The following KANSL1L variants were observed in gnomAD, a reference collection of about 807,000 sequenced individuals.
KANSL1L encodes KAT8 regulatory NSL complex subunit 1-like protein.
A neutral mutation model predicts 108.6 loss-of-function variants in KANSL1L; 25 were observed. That is an observed-to-expected ratio of 0.23 (90% CI 0.17 to 0.32). The LOEUF is 0.32. Among genes scored for constraint, KANSL1L ranks in the 10% least tolerant of loss-of-function variants. KANSL1L has a pLI of 1.00. For synonymous variants in KANSL1L, 405 were observed against 395.1 expected, an observed-to-expected ratio of 1.03 and a Z score of -0.30; for missense variants, 1,137 against 1,125.7, an observed-to-expected ratio of 1.01 and a Z score of -0.14.
Position 210,043,387 on chromosome 2 carries a change from T to TCAAAACAAAA in KANSL1L, c.1921+542_1921+551dup, listed in dbSNP as rs542884999. On this transcript the variant is annotated intron_variant, in intron 7 of 14. Transcript: ENST00000281772. ...CTGTGCAACAGTGCAAGACCCTGTC[T>TCAAAACAAAA]CAAAACAAAACAAAACAAAACAAAA... The TCAAAACAAAA allele has an allele frequency of 2.6e-3, 421 of 160,120 alleles. 2 individuals carry two copies. The highest frequency in any genetic ancestry group is 9.7e-3 in the African/African-American group (402 of 41,570). 9.9% of individuals were successfully genotyped at this position (160,120 alleles called of 1,614,324 possible).
rs999209324 is a variant in KANSL1L at position 210,044,921 on chromosome 2, C to T, written c.1756-817G>A. On this transcript the variant is annotated intron_variant, in intron 6 of 14. Coordinates refer to ENST00000281772, the MANE Select transcript of KANSL1L (RefSeq NM_152519.4). This position sits in a 1 kb window ranked among gnomAD's most constrained non-coding sequence, Gnocchi z 4.2. ...AGTAACTGGGATTACAGGCACGTGCCACTGCGCCCAGCTACTTTTTGTATT... is the reference window on the plus strand; with the variant it reads ...AGTAACTGGGATTACAGGCACGTGCTACTGCGCCCAGCTACTTTTTGTATT... 6.6e-5 allele frequency among the ~76,000 whole-genome samples: 10 copies of T among 152,098 alleles called. No homozygotes were observed. The highest frequency in any genetic ancestry group is 2.2e-4 in the African/African-American group (9 of 41,424).
intron 3 of KANSL1L, among the ~76,000 whole-genome samples, chr2:210,113,130 A>G (rs2094924482): frequency 6.6e-6 from 1 of 152,164 alleles, no homozygotes; most frequent in Non-Finnish European, 1.5e-5. Flanking sequence ...CCATTGTTGT[A>G]GTACCTCCCT....
chr2:210,101,760 A>C (rs1158094138), intron 4 of KANSL1L, among the ~76,000 whole-genome samples: 1 of 152,236 alleles, frequency 6.6e-6, no homozygotes, highest in Non-Finnish European at 1.5e-5. Flanking sequence ...CCAATTAAGA[A>C]AAACTCTGGG....
At chr2:210,108,804 C>T (rs2094876331) in intron 3 of KANSL1L, among the ~76,000 whole-genome samples, 1 of 152,172 alleles carries the variant, frequency 6.6e-6, no homozygotes, top group African/African-American at 2.4e-5. Context: ...CCTCAAATCT[C>T]ACAGAACTAG....
In KANSL1L at chr2:210,022,728, T is replaced by C. The variant is rs1340446272; in HGVS notation, c.*221A>G. The C allele has an allele frequency of 9.8e-6, 5 of 511,574 alleles. No homozygotes were observed. The highest frequency in any genetic ancestry group is 1.7e-5 in the Non-Finnish European group (5 of 286,200). 31.7% of individuals were successfully genotyped at this position (511,574 alleles called of 1,614,324 possible). A position where few individuals can be genotyped will look rare whatever the true frequency, so the allele number is the denominator to read the frequency against. On this transcript the variant is annotated 3_prime_UTR_variant, in exon 15 of 15. Transcript: ENST00000281772. ...TCTTGGTGTTTGTAAGTAAGTTGCA[T>C]GATAAACACAAATGACTACCACTTG...
At chr2:210,150,654 C>T (rs1472502146) in intron 2 of KANSL1L, among the ~76,000 whole-genome samples, 1 of 151,646 alleles carries the variant, frequency 6.6e-6, no homozygotes, top group Admixed American at 6.6e-5. Flanking sequence ...TGGTGGTGCA[C>T]ACCTGTAATC....
chr2:210,159,398 A>G (rs765313115), intron 1 of KANSL1L, among the ~76,000 whole-genome samples: 22 of 152,162 alleles, frequency 1.4e-4, no homozygotes, highest in Admixed American at 2.0e-4. Flanking sequence ...AAATAGCTTC[A>G]GCCTCTTGGT....
chr2:210,085,382 C>A (rs1475372070), intron 5 of KANSL1L, among the ~76,000 whole-genome samples: 1 of 152,120 alleles, frequency 6.6e-6, no homozygotes, highest in Non-Finnish European at 1.5e-5. Context: ...CCAATTATTA[C>A]AGAACTATCT....
At chr2:210,047,701 T>A (rs1473708669) in intron 6 of KANSL1L, among the ~76,000 whole-genome samples, 1 of 152,188 alleles carries the variant, frequency 6.6e-6, no homozygotes, top group Admixed American at 6.5e-5. Context: ...CTGTCTCTAT[T>A]GTCTGTTTTT....
intron 1 of KANSL1L, among the ~76,000 whole-genome samples, chr2:210,159,573 T>C (rs1272300483): frequency 6.6e-6 from 1 of 152,228 alleles, no homozygotes; most frequent in African/African-American, 2.4e-5. Flanking sequence ...ATCATGTATT[T>C]GTTGACTAAA....
intron 12 of KANSL1L, among the ~76,000 whole-genome samples, chr2:210,026,574 A>G (rs2093939966): frequency 6.6e-6 from 1 of 152,200 alleles, no homozygotes; most frequent in Non-Finnish European, 1.5e-5. Context: ...TATGTTTACC[A>G]CATTACTTTT....
rs953006658 is a variant in KANSL1L at position 210,033,631 on chromosome 2, G to T, written c.2030-2085C>A. Among the ~76,000 whole-genome samples the T allele has an allele frequency of 2.6e-5, 4 of 151,470 alleles. No homozygotes were observed. The South Asian group carries it at 8.3e-4, about 32-fold the overall frequency. ...TGCAAACTCCGCCTCCCGGGTTCAC[G>T]CCATTCTCCTGCCTCAGCCTCCCGA... On this transcript the variant is annotated intron_variant, in intron 8 of 14. Coordinates refer to ENST00000281772, the MANE Select transcript of KANSL1L (RefSeq NM_152519.4).
At position 210,094,694 on chromosome 2, in the gene KANSL1L, G is replaced by A. The variant is rs1247757530; in HGVS notation, c.1550+3392C>T. On this transcript the variant is annotated intron_variant, in intron 5 of 14. Coordinates refer to ENST00000281772, the MANE Select transcript of KANSL1L (RefSeq NM_152519.4). ...GAGTAACATTAAAAAACTAAAATTT[G>A]TAGAATTTCACTACTATGTACTTAT... Among the ~76,000 whole-genome samples, 74 of 151,868 alleles carry A rather than the reference G, an allele frequency of 4.9e-4. 1 individual carries two copies. Among genetic ancestry groups the A allele is most frequent in the Admixed American group, 4.7e-3 (71 of 15,258 alleles).
chr2:210,026,835 A>G (rs775945500), intron 12 of KANSL1L, among the ~76,000 whole-genome samples: 19 of 152,048 alleles, frequency 1.2e-4, no homozygotes, highest in Non-Finnish European at 2.4e-4. Context: ...CAGTGGTGCG[A>G]TCTCGGCTCA....
intron 3 of KANSL1L, among the ~76,000 whole-genome samples, chr2:210,111,701 CTTT>C (rs574842208): frequency 6.6e-6 from 1 of 151,006 alleles, no homozygotes; most frequent in South Asian, 2.1e-4. Context: ...ACAAGAACAT[CTTT>C]TTTTTTCTTT....
intron 5 of KANSL1L, among the ~76,000 whole-genome samples, chr2:210,087,395 G>A (rs1450321326): frequency 6.6e-6 from 1 of 151,956 alleles, no homozygotes; most frequent in Non-Finnish European, 1.5e-5. Flanking sequence ...AGACATCTAT[G>A]TCATCTATCA....
chr2:210,053,705 A>G (rs1275613776), intron 6 of KANSL1L, among the ~76,000 whole-genome samples: 6 of 152,204 alleles, frequency 3.9e-5, no homozygotes, highest in Non-Finnish European at 7.3e-5. Flanking sequence ...GATAAATTCA[A>G]TCACATTAAA....
intron 3 of KANSL1L, among the ~76,000 whole-genome samples, chr2:210,105,488 C>T (rs1014989541): frequency 6.6e-6 from 1 of 150,630 alleles, no homozygotes; most frequent in Non-Finnish European, 1.5e-5. Flanking sequence ...AATAAACTAA[C>T]ATTAATATTA....
At chr2:210,117,717 A>G (rs1273396705) in intron 3 of KANSL1L, among the ~76,000 whole-genome samples, 1 of 152,194 alleles carries the variant, frequency 6.6e-6, no homozygotes, top group Non-Finnish European at 1.5e-5. Flanking sequence ...TAAAATTGCA[A>G]ATAAAAAAGG....
Sources: allele counts gnomAD v4.1 joint callset (sites outside exome capture counted in the v4.1 genomes callset), GRCh38; gene constraint gnomAD v4.1.1; non-coding constraint Gnocchi (gnomAD v3.1); transcripts MANE v1.5; gene names NCBI Gene and HGNC (gene_info 2026-07-23, HGNC 2026-07-21).